The following GJB7 variants were observed in gnomAD, a reference collection of about 807,000 sequenced individuals.
GJB7 encodes gap junction protein beta 7, also known as gap junction beta-7 protein.
For missense variants in GJB7, 253 were observed against 256.8 expected, an observed-to-expected ratio of 0.99 and a Z score of 0.10; for synonymous variants, 87 against 95.2, an observed-to-expected ratio of 0.91 and a Z score of 0.50.
chr6:87,308,393 AT>A (rs2127906605), intron 2 of GJB7, among the ~76,000 whole-genome samples: 1 of 152,308 alleles, frequency 6.6e-6, no homozygotes, highest in African/African-American at 2.4e-5. Flanking sequence ...TCAATTACAG[AT>A]TCTAATTAAT....
intron 2 of GJB7, chr6:87,299,544 T>G (rs767764524): frequency 1.1e-5 from 3 of 279,238 alleles, no homozygotes; most frequent in Non-Finnish European, 2.1e-5. Context: ...AAATTGCCAA[T>G]CCTCACTGTA....
intron 2 of GJB7, among the ~76,000 whole-genome samples, chr6:87,291,517 T>C (rs1562209110): frequency 6.6e-6 from 1 of 152,132 alleles, no homozygotes; most frequent in Non-Finnish European, 1.5e-5. Context: ...AAAATGTCCC[T>C]AGAAGATCCT....
At chr6:87,322,297 G>T (rs557557158) in intron 2 of GJB7, 1 of 149,132 alleles carries the variant, frequency 6.7e-6, no homozygotes, top group South Asian at 2.1e-4. Context: ...CATACTTCTA[G>T]GAGATGTCTC....
Position 87,292,840 on chromosome 6 carries a change from G to A in GJB7, c.-27-7901C>T, listed in dbSNP as rs1776197803. Among the ~76,000 whole-genome samples the A allele has an allele frequency of 3.9e-5, 6 of 152,226 alleles. No homozygotes were observed. In the South Asian group the frequency reaches 1.2e-3, roughly 32 times the overall value. On this transcript the variant is annotated intron_variant, in intron 2 of 2. Transcript: ENST00000525899. The stretch of plus-strand genomic sequence containing the variant: ...TCTCAGAGCCAGCATGAAAAGTATA[G>A]AAAGGAGCTAGAGATGAAACCCATG...
At chr6:87,293,309 A>G (rs1189850229) in intron 2 of GJB7, among the ~76,000 whole-genome samples, 4 of 152,230 alleles carry the variant, frequency 2.6e-5, no homozygotes, top group Non-Finnish European at 4.4e-5. Context: ...GATCACAGGC[A>G]TGAGCCACCG....
rs150905620 is a variant in GJB7, at chr6:87,304,985, C to G, written c.-28+17881G>C. Among the ~76,000 whole-genome samples the G allele has an allele frequency of 4.4e-3, 667 of 152,282 alleles. 5 individuals are homozygous for G. Among genetic ancestry groups the G allele is most frequent in the Middle Eastern group, 0.017 (5 of 294 alleles). ...TGAGAAAATTCAACAGCCCTTCATG[C>G]TAAAAACTCTCAATAAATTAGGTAT... is the stretch of plus-strand genomic sequence containing the variant. On this transcript the variant is annotated intron_variant, in intron 2 of 2. Coordinates refer to ENST00000525899, the MANE Select transcript of GJB7 (RefSeq NM_198568.3).
intron 2 of GJB7, among the ~76,000 whole-genome samples, chr6:87,297,627 T>A (rs1562210752): frequency 1.3e-5 from 2 of 152,196 alleles, no homozygotes; most frequent in Admixed American, 1.3e-4. Flanking sequence ...AGAGAAAATT[T>A]AACCAAGTTA....
intron 2 of GJB7, among the ~76,000 whole-genome samples, chr6:87,307,999 G>A (rs1287617620): frequency 6.6e-6 from 1 of 152,128 alleles, no homozygotes; most frequent in African/African-American, 2.4e-5. Flanking sequence ...ATGATAGACT[G>A]GATTAAGAAA....
intron 2 of GJB7, among the ~76,000 whole-genome samples, chr6:87,292,442 A>G (rs975305514): frequency 1.3e-5 from 2 of 151,980 alleles, no homozygotes; most frequent in Admixed American, 6.6e-5. Context: ...TTTCATTTTC[A>G]TATTTTTAAT....
chr6:87,328,748 G>T (rs1024676696), intron 1 of GJB7, among the ~76,000 whole-genome samples: 1 of 152,224 alleles, frequency 6.6e-6, no homozygotes, highest in Non-Finnish European at 1.5e-5. Context: ...TACAGAGGCA[G>T]GCAGGCCTCC....
chr6:87,284,602 C>G lies in GJB7; in HGVS notation c.311G>C (p.Arg104Thr). The G allele has an allele frequency of 1.2e-6, 2 of 1,614,172 alleles. No individual in the cohort carries two copies. Among genetic ancestry groups the G allele is most frequent in the Non-Finnish European group, 1.7e-6 (2 of 1,180,028 alleles). ...HVAYHEGREKRHRKKLYVSPG... is the reference protein window; with the variant it reads ...HVAYHEGREKTHRKKLYVSPG... ...GCTGACATAGAGTTTCTTTCTGTGC[C>G]TTTTCTCTCTACCCTCATGATAGGC... The change falls in exon 3 of 3, where the codon AGG (arginine) becomes ACG (threonine). Residue 104 changes from arginine to threonine, a missense_variant. Physicochemically the swap from Arg to Thr is moderately conservative, Grantham distance 71. Transcript: ENST00000525899.
chr6:87,303,009 C>A (rs1224178102), intron 2 of GJB7, among the ~76,000 whole-genome samples: 8 of 152,174 alleles, frequency 5.3e-5, no homozygotes, highest in Non-Finnish European at 8.8e-5. Flanking sequence ...GCCTGCTCTA[C>A]AAGAGCTCCT....
At chr6:87,319,190 T>C (rs571376139) in intron 2 of GJB7, among the ~76,000 whole-genome samples, 29 of 152,336 alleles carry the variant, frequency 1.9e-4, no homozygotes, top group Admixed American at 1.8e-3. Flanking sequence ...AAAATGAAGA[T>C]TACAAAAGCC....
intron 1 of GJB7, among the ~76,000 whole-genome samples, chr6:87,324,019 G>T (rs1376284086): frequency 6.0e-5 from 9 of 149,982 alleles, no homozygotes; most frequent in Non-Finnish European, 5.9e-5. Context: ...TTTCTCTGAT[G>T]GCCAGTGATG....
At chr6:87,326,257 T>G (rs968548051) in intron 1 of GJB7, among the ~76,000 whole-genome samples, 2 of 152,226 alleles carry the variant, frequency 1.3e-5, no homozygotes, top group Non-Finnish European at 2.9e-5. Context: ...TTTTAATGTC[T>G]CTATTTCCTT....
intron 2 of GJB7, among the ~76,000 whole-genome samples, chr6:87,318,074 A>G (rs545343072): frequency 6.6e-6 from 1 of 152,144 alleles, no homozygotes; most frequent in South Asian, 2.1e-4. Flanking sequence ...TGGAAGAAAA[A>G]GAGTAATGAA....
Position 87,322,997 on chromosome 6 carries a change from C to G in GJB7, c.-159G>C, listed in dbSNP as rs1284024841. 6.6e-6 allele frequency: 1 copy of G among 152,164 alleles called. No homozygotes were observed. Among genetic ancestry groups the G allele is most frequent in the Non-Finnish European group, 1.5e-5 (1 of 68,050 alleles). The allele number at this position is 152,164 out of a possible 1,614,324, so 9.4% of individuals were successfully genotyped here. A position where few individuals can be genotyped will look rare whatever the true frequency, so the allele number is the denominator to read the frequency against. Reference sequence around the variant, plus strand: ...GGAACATGGTGGTGTTTTGAGGAGACGCCGCTTTTCTTTTGTCATAGTGCG... The same window carrying G: ...GGAACATGGTGGTGTTTTGAGGAGAGGCCGCTTTTCTTTTGTCATAGTGCG... On this transcript the variant is annotated 5_prime_UTR_variant, in exon 2 of 3. Coordinates refer to ENST00000525899, the MANE Select transcript of GJB7 (RefSeq NM_198568.3).
chr6:87,287,088 A>G (rs1048656193), intron 2 of GJB7, among the ~76,000 whole-genome samples: 4 of 152,212 alleles, frequency 2.6e-5, no homozygotes, highest in Admixed American at 6.5e-5. Flanking sequence ...ATGTCTCCAT[A>G]TATTTTCAAA....
At chr6:87,305,721 C>T (rs202098732) in intron 2 of GJB7, among the ~76,000 whole-genome samples, 14,376 of 152,220 alleles carry the variant, frequency 0.094, 699 homozygotes, top group East Asian at 0.13. Flanking sequence ...ATTGCCAAGT[C>T]AATCCTAAGC....
Sources: allele counts gnomAD v4.1 joint callset (sites outside exome capture counted in the v4.1 genomes callset), GRCh38; gene constraint gnomAD v4.1.1; transcripts MANE v1.5; gene names NCBI Gene and HGNC (gene_info 2026-07-23, HGNC 2026-07-21).